IQCM: variants seen among roughly 807,000 people sequenced by gnomAD.
IQCM encodes the protein IQ domain-containing protein M.
A neutral mutation model predicts 57.6 loss-of-function variants in IQCM; 45 were observed. The observed-to-expected ratio is 0.78, with a 90% CI of 0.62 to 1.00. IQCM has a LOEUF of 1.00. IQCM is among the 50% of genes least tolerant of loss of function. The pLI, the probability that IQCM is intolerant of heterozygous loss-of-function variation, is 0.00. For synonymous variants in IQCM, 148 were observed against 158.9 expected (o/e 0.93, Z 0.51); for missense variants, 468 against 511.6 (o/e 0.91, Z 0.82).
intron 2 of IQCM, among the ~76,000 whole-genome samples, chr4:149,754,588 C>G (rs1337349172): frequency 1.3e-5 from 2 of 152,174 alleles, no homozygotes; most frequent in Non-Finnish European, 2.9e-5. Flanking sequence ...TGTATTTTAT[C>G]ACTGTCTCCT....
intron 12 of IQCM, among the ~76,000 whole-genome samples, chr4:149,492,255 T>A (rs1262150989): frequency 6.6e-6 from 1 of 152,050 alleles, no homozygotes; most frequent in Non-Finnish European, 1.5e-5. Flanking sequence ...TCAAAGTAAG[T>A]GTTATTCATA....
chr4:149,506,084 A>G (rs1245189300), intron 12 of IQCM, among the ~76,000 whole-genome samples: 1 of 152,202 alleles, frequency 6.6e-6, no homozygotes, highest in African/African-American at 2.4e-5. Context: ...GACTTAAAAG[A>G]GTGTGAATCA....
chr4:149,531,084 A>T (rs559111864), intron 12 of IQCM, among the ~76,000 whole-genome samples: 1 of 152,144 alleles, frequency 6.6e-6, no homozygotes, highest in Admixed American at 6.6e-5. Context: ...ACTGGGATTC[A>T]TGTGAAAAAG....
At chr4:149,599,402 G>A (rs1360759815) in intron 8 of IQCM, among the ~76,000 whole-genome samples, 1 of 152,088 alleles carries the variant, frequency 6.6e-6, no homozygotes, top group Admixed American at 6.6e-5. Context: ...ATGTGTACAT[G>A]TGCTAAAATT....
Position 149,442,949 on chromosome 4 carries a change from CACACAGAGAGAGAG to C in IQCM, c.1229-9406_1229-9393del, listed in dbSNP as rs1242783060. ...ATACACACACACACACACACACACA[CACACAGAGAGAGAG>C]AGAGAGAGAGAGAGAGAGAGAGAGA... On this transcript the variant is annotated intron_variant, in intron 12 of 13. Transcript: ENST00000636793. Among the ~76,000 whole-genome samples the C allele has an allele frequency of 5.5e-3, 312 of 56,344 alleles. 2 individuals carry two copies. Among genetic ancestry groups the C allele is most frequent in the African/African-American group, 0.021 (293 of 13,874 alleles). The allele number at this position is 56,344 out of a possible 152,430, so 37.0% of individuals were successfully genotyped here.
rs534250048 is a variant in IQCM at position 149,388,677 on chromosome 4, A to G, written c.1391-36611T>C. 4.9e-4 allele frequency among the ~76,000 whole-genome samples: 71 copies of G among 143,870 alleles called. 1 individual carries two copies. In the South Asian group the frequency reaches 0.015, roughly 31 times the overall value. 94.4% of individuals were successfully genotyped at this position (143,870 alleles called of 152,430 possible). A position where few individuals can be genotyped will look rare whatever the true frequency, so the allele number is the denominator to read the frequency against. On this transcript the variant is annotated intron_variant, in intron 13 of 13. Coordinates refer to ENST00000636793, the MANE Select transcript of IQCM (RefSeq NM_001363507.2). The stretch of plus-strand genomic sequence containing the variant: ...AATATATATATATATACATATATAT[A>G]GGCAAAGAATGAGGATAGTCCTTTC...
intron 12 of IQCM, among the ~76,000 whole-genome samples, chr4:149,533,984 T>C (rs1747021280): frequency 2.0e-5 from 3 of 152,122 alleles, no homozygotes; most frequent in Non-Finnish European, 2.9e-5. Context: ...AATGAAAAAG[T>C]CCAAGAATGA....
At chr4:149,504,043 T>C (rs1317593803) in intron 12 of IQCM, among the ~76,000 whole-genome samples, 1 of 152,102 alleles carries the variant, frequency 6.6e-6, no homozygotes, top group Non-Finnish European at 1.5e-5. Context: ...AAAAGACTCA[T>C]TCTTACTAGC....
At chr4:149,446,554 A>G (rs1736530691) in intron 12 of IQCM, among the ~76,000 whole-genome samples, 1 of 151,696 alleles carries the variant, frequency 6.6e-6, no homozygotes, top group Admixed American at 6.6e-5. Flanking sequence ...AAACTAAAAC[A>G]TACGCAAAAC....
intron 13 of IQCM, among the ~76,000 whole-genome samples, chr4:149,357,627 C>G (rs572577380): frequency 2.6e-5 from 4 of 152,000 alleles, no homozygotes; most frequent in African/African-American, 9.7e-5. Flanking sequence ...CTTTTTGATG[C>G]GTTGCTGGAT....
chr4:149,590,694 A>G (rs1004350566), intron 8 of IQCM, among the ~76,000 whole-genome samples: 3 of 152,038 alleles, frequency 2.0e-5, no homozygotes, highest in Non-Finnish European at 4.4e-5. Context: ...GAGTGAGAAC[A>G]TGCGGTGTTT....
At chr4:149,722,478 A>T (rs1473072649) in intron 5 of IQCM, among the ~76,000 whole-genome samples, 5 of 152,086 alleles carry the variant, frequency 3.3e-5, no homozygotes, top group African/African-American at 1.2e-4. Flanking sequence ...GGCAAGTGAT[A>T]GAGATCCAGT....
chr4:149,513,826 G>A (rs1381750109), intron 12 of IQCM, among the ~76,000 whole-genome samples: 1 of 152,066 alleles, frequency 6.6e-6, no homozygotes, highest in Admixed American at 6.6e-5. Flanking sequence ...CTGGAGAATT[G>A]TTTGGTATTA....
At chr4:149,645,809 C>G (rs911613278) in intron 7 of IQCM, among the ~76,000 whole-genome samples, 1 of 152,006 alleles carries the variant, frequency 6.6e-6, no homozygotes, top group Non-Finnish European at 1.5e-5. Flanking sequence ...ACAGTGGCAC[C>G]CAACTCCCTC....
intron 13 of IQCM, among the ~76,000 whole-genome samples, chr4:149,368,112 AT>A (rs1161074237): frequency 5.9e-5 from 9 of 152,086 alleles, no homozygotes; most frequent in African/African-American, 2.2e-4. Flanking sequence ...TGAAATTTAT[AT>A]AAAAACAAAG....
Position 149,621,110 on chromosome 4 carries a change from C to T in IQCM, c.681+19G>A. 9.0e-7 allele frequency: 1 copy of T among 1,109,980 alleles called. No homozygotes were observed. The highest frequency in any genetic ancestry group is 1.1e-6 in the Non-Finnish European group (1 of 876,522). 68.8% of individuals were successfully genotyped at this position (1,109,980 alleles called of 1,614,324 possible). On this transcript the variant is annotated intron_variant, in intron 8 of 13. Coordinates refer to ENST00000636793, the MANE Select transcript of IQCM (RefSeq NM_001363507.2). ...AAAAATGGCAATTCAAATCTACATC[C>T]AGTTTTATAAATACTTACAGAATAA...
At chr4:149,732,168 A>G (rs1034702632) in intron 5 of IQCM, among the ~76,000 whole-genome samples, 2 of 152,318 alleles carry the variant, frequency 1.3e-5, no homozygotes, top group Admixed American at 6.5e-5. Context: ...TCCATTAAAC[A>G]TAAGTTCAAA....
At chr4:149,549,513 G>A (rs573714137) in intron 11 of IQCM, among the ~76,000 whole-genome samples, 2 of 152,058 alleles carry the variant, frequency 1.3e-5, no homozygotes, top group African/African-American at 2.4e-5. Flanking sequence ...GCGAGACTCC[G>A]TCTCAAAAAA....
chr4:149,525,290 A>T (rs546373425), intron 12 of IQCM, among the ~76,000 whole-genome samples: 1 of 152,096 alleles, frequency 6.6e-6, no homozygotes, highest in African/African-American at 2.4e-5. Context: ...ATAAAAAAGT[A>T]TATTTATTTT....
Sources: gnomAD v4.1 joint callset for allele counts (sites outside exome capture counted in the v4.1 genomes callset) on GRCh38, gnomAD v4.1.1 for gene constraint, MANE v1.5 for transcripts, NCBI Gene and HGNC (gene_info 2026-07-23, HGNC 2026-07-21) for gene names.